The following KALRN variants were observed in gnomAD, a reference collection of about 807,000 sequenced individuals.
The protein encoded by KALRN is kalirin.
In KALRN, 70 loss-of-function variants were observed where a neutral mutation model predicts 353.7. The observed-to-expected ratio is 0.20, with a 90% confidence interval of 0.16 to 0.24. The LOEUF (loss-of-function observed/expected upper bound fraction) is 0.24, where lower values mean the gene tolerates loss of function less well. Among genes scored for constraint, KALRN ranks in the 10% least tolerant of loss-of-function variants. The pLI, the probability that KALRN is intolerant of heterozygous loss-of-function variation, is 1.00. For missense variants in KALRN, 2,791 were observed against 3,756.7 expected (o/e 0.74, Z 6.72); for synonymous variants, 1,391 against 1,434.8 (o/e 0.97, Z 0.69).
At chr3:124,080,088 A>G (rs1408942000) in intron 1 of KALRN, 4 of 471,098 alleles carry the variant, frequency 8.5e-6, no homozygotes, top group Admixed American at 2.3e-5. Flanking sequence ...TCCAGACAAG[A>G]TCAGGTTAGT....
intron 1 of KALRN, among the ~76,000 whole-genome samples, chr3:124,204,792 C>CTT (rs1204397951): frequency 2.6e-5 from 4 of 152,092 alleles, no homozygotes; most frequent in Non-Finnish European, 5.9e-5. Flanking sequence ...AACTAAATCT[C>CTT]TAAGGTCTTT....
intron 34 of KALRN, among the ~76,000 whole-genome samples, chr3:124,628,104 CTA>C (rs1439683233): frequency 1.3e-5 from 2 of 151,862 alleles, no homozygotes; most frequent in Non-Finnish European, 2.9e-5. Context: ...AGACAGCTGT[CTA>C]TTGGCAAAAG....
At chr3:124,066,101 A>G (rs1035310429) in intron 1 of KALRN, among the ~76,000 whole-genome samples, 4 of 152,162 alleles carry the variant, frequency 2.6e-5, no homozygotes, top group Non-Finnish European at 5.9e-5. Flanking sequence ...CATCTCCCAG[A>G]AGAGATATTG....
intron 31 of KALRN, among the ~76,000 whole-genome samples, chr3:124,492,119 C>T (rs1266220840): frequency 3.3e-5 from 5 of 152,160 alleles, no homozygotes; most frequent in African/African-American, 7.2e-5. Flanking sequence ...GGTCCAACCC[C>T]GACAAAAGCT....
chr3:124,196,230 T>C (rs1044858622), intron 1 of KALRN, among the ~76,000 whole-genome samples: 38 of 152,276 alleles, frequency 2.5e-4, no homozygotes, highest in Non-Finnish European at 1.8e-4. Context: ...AGGTGGGGTC[T>C]TTTTCAGGTT....
rs544916534 is a variant in KALRN, at chr3:124,101,668, C to T, written c.73+67855C>T. Reference sequence around the variant, plus strand: ...GATCTTTGTGCTTTCCTTTTCCTCGCTCTCATCCTCACCATGCCTGCAGCC... The same window carrying T: ...GATCTTTGTGCTTTCCTTTTCCTCGTTCTCATCCTCACCATGCCTGCAGCC... On this transcript the variant is annotated intron_variant, in intron 1 of 59. Transcript: ENST00000682506. Among the ~76,000 whole-genome samples, 37 of 152,296 alleles carry T rather than the reference C, an allele frequency of 2.4e-4. No individual in the cohort carries two copies. In the South Asian group the frequency reaches 6.8e-3, roughly 28 times the overall value.
intron 6 of KALRN, among the ~76,000 whole-genome samples, chr3:124,312,322 G>A (rs947088183): frequency 2.6e-4 from 40 of 152,068 alleles, no homozygotes; most frequent in African/African-American, 9.4e-4. Context: ...CACCATGCCC[G>A]GCTAATTTTT....
At chr3:124,464,154 C>T (rs371110508) in intron 25 of KALRN, among the ~76,000 whole-genome samples, 2 of 152,152 alleles carry the variant, frequency 1.3e-5, no homozygotes, top group East Asian at 1.9e-4. Context: ...GAGAAGACAT[C>T]GGACTGGCAA....
intron 10 of KALRN, among the ~76,000 whole-genome samples, chr3:124,370,150 C>T (rs1479079933): frequency 6.6e-6 from 1 of 152,144 alleles, no homozygotes; most frequent in Non-Finnish European, 1.5e-5. Context: ...TAGTCCATCC[C>T]TAAAGAACCA....
At chr3:124,047,674 T>A (rs978822114) in intron 1 of KALRN, among the ~76,000 whole-genome samples, 25 of 151,054 alleles carry the variant, frequency 1.7e-4, no homozygotes, top group African/African-American at 6.1e-4. Context: ...TTTTTATTTT[T>A]TTTTATTTTT....
chr3:124,100,451 G>A (rs2061770554), intron 1 of KALRN: 1 of 152,080 alleles, frequency 6.6e-6, no homozygotes, highest in Non-Finnish European at 1.5e-5. Flanking sequence ...TGGGAAAATG[G>A]GATATCTATA....
chr3:124,295,857 C>T (rs1443119447), intron 5 of KALRN, among the ~76,000 whole-genome samples: 1 of 152,116 alleles, frequency 6.6e-6, no homozygotes, highest in African/African-American at 2.4e-5. Flanking sequence ...TCCTTCTTGT[C>T]CTTAATAATA....
At chr3:124,065,224 G>A (rs1315175953) in intron 1 of KALRN, among the ~76,000 whole-genome samples, 1 of 152,228 alleles carries the variant, frequency 6.6e-6, no homozygotes, top group Admixed American at 6.5e-5. Context: ...TGATAGGGCT[G>A]GGTGCTGATG....
At chr3:124,140,081 G>GT (rs2066440040) in intron 1 of KALRN, among the ~76,000 whole-genome samples, 1 of 152,138 alleles carries the variant, frequency 6.6e-6, no homozygotes, top group African/African-American at 2.4e-5. Flanking sequence ...CTGATCCCCA[G>GT]TGAAGCTGTG....
intron 1 of KALRN, among the ~76,000 whole-genome samples, chr3:124,173,418 C>G (rs1263254685): frequency 6.6e-6 from 1 of 152,176 alleles, no homozygotes; most frequent in Non-Finnish European, 1.5e-5. Context: ...AACACTAACT[C>G]TTTCTTAGGC....
intron 34 of KALRN, among the ~76,000 whole-genome samples, chr3:124,592,658 T>C (rs1014550636): frequency 6.6e-6 from 1 of 152,208 alleles, no homozygotes; most frequent in Admixed American, 6.5e-5. Flanking sequence ...CCAGCCCCCA[T>C]GGTGCTGGAT....
chr3:124,307,173 C>T (rs907343267), intron 6 of KALRN, among the ~76,000 whole-genome samples: 13 of 151,996 alleles, frequency 8.6e-5, no homozygotes, highest in African/African-American at 3.1e-4. Context: ...ATAATATGTA[C>T]ATAATGTATT....
intron 17 of KALRN, among the ~76,000 whole-genome samples, chr3:124,437,388 T>C (rs948516640): frequency 1.1e-4 from 17 of 152,312 alleles, no homozygotes; most frequent in Middle Eastern, 3.4e-3. Flanking sequence ...GAATGCCCTA[T>C]CCAAAGACAT....
chr3:124,548,387 T>C (rs2069991921), intron 33 of KALRN, among the ~76,000 whole-genome samples: 1 of 152,226 alleles, frequency 6.6e-6, no homozygotes. Flanking sequence ...TATTAAATCT[T>C]AAATCTAGCC....
Sources: gnomAD v4.1 joint callset for allele counts (sites outside exome capture counted in the v4.1 genomes callset) on GRCh38, gnomAD v4.1.1 for gene constraint, MANE v1.5 for transcripts, NCBI Gene and HGNC (gene_info 2026-07-23, HGNC 2026-07-21) for gene names.